CCSER2: variants seen among roughly 807,000 people sequenced by gnomAD.
CCSER2 encodes the protein coiled-coil serine rich protein 2.
Under a neutral mutation model 92.3 loss-of-function variants are expected in CCSER2, and 46 were observed. The ratio of observed to expected loss-of-function variants is 0.50; its 90% CI spans 0.39 to 0.64. The LOEUF is 0.64. Ranked by LOEUF, CCSER2 falls within the 30% of genes least tolerant of loss-of-function variation. The pLI is 0.00. For missense variants in CCSER2, 1,244 were observed against 1,238.9 expected, an observed-to-expected ratio of 1.00 and a Z score of -0.06; for synonymous variants, 433 against 431.4, an observed-to-expected ratio of 1.00 and a Z score of -0.04.
intron 9 of CCSER2, among the ~76,000 whole-genome samples, chr10:84,495,896 C>G (rs1848423043): frequency 6.6e-6 from 1 of 150,838 alleles, no homozygotes. Flanking sequence ...ACCAATCTGT[C>G]TTTTAATGGG....
chr10:84,419,292 G>A (rs1843020372), intron 4 of CCSER2, among the ~76,000 whole-genome samples: 1 of 150,758 alleles, frequency 6.6e-6, no homozygotes, highest in African/African-American at 2.4e-5. Flanking sequence ...AACCAATGCA[G>A]TTAGATCACC....
At chr10:84,366,136 G>C (rs1032581639) in intron 1 of CCSER2, among the ~76,000 whole-genome samples, 2 of 151,998 alleles carry the variant, frequency 1.3e-5, no homozygotes, top group African/African-American at 4.8e-5. Context: ...TAGAGATGAG[G>C]TCTCACTATG....
intron 3 of CCSER2, among the ~76,000 whole-genome samples, chr10:84,376,200 C>G (rs1846328604): frequency 6.6e-6 from 1 of 152,070 alleles, no homozygotes; most frequent in African/African-American, 2.4e-5. Context: ...GTCTAGAATC[C>G]TGGCTATTTA....
intron 6 of CCSER2, among the ~76,000 whole-genome samples, chr10:84,463,158 A>C (rs1466781549): frequency 1.3e-5 from 2 of 152,156 alleles, no homozygotes; most frequent in Non-Finnish European, 2.9e-5. Context: ...TAGTATTGTC[A>C]TCCTATTTTA....
intron 6 of CCSER2, among the ~76,000 whole-genome samples, chr10:84,458,562 A>T (rs1564687364): frequency 6.6e-6 from 1 of 152,184 alleles, no homozygotes; most frequent in Non-Finnish European, 1.5e-5. Context: ...TTCTACAAAA[A>T]ATAAATTCTG....
intron 2 of CCSER2, 110 bp downstream of exon 2, chr10:84,372,579 G>T: frequency 4.1e-6 from 3 of 723,358 alleles, no homozygotes; most frequent in South Asian, 2.2e-5. Flanking sequence ...TTTCACGGAG[G>T]GATAGATCTA....
intron 6 of CCSER2, among the ~76,000 whole-genome samples, chr10:84,461,991 G>T (rs1846128256): frequency 6.6e-6 from 1 of 152,174 alleles, no homozygotes; most frequent in African/African-American, 2.4e-5. Context: ...TGTCTTGATT[G>T]TGGTTTTAAT....
At chr10:84,496,309 G>A (rs185428331) in intron 9 of CCSER2, among the ~76,000 whole-genome samples, 2,016 of 152,032 alleles carry the variant, frequency 0.013, 19 homozygotes, top group Middle Eastern at 0.061. Flanking sequence ...TTTTTGAGAC[G>A]GAGTCTCGCT....
At chr10:84,403,184 G>GT (rs1163582270) in intron 3 of CCSER2, among the ~76,000 whole-genome samples, 52 of 188 alleles carry the variant, frequency 0.28, no homozygotes, top group African/African-American at 0.42. Flanking sequence ...TTTTGAAAAA[G>GT]GTTAGAGGCA....
intron 2 of CCSER2, among the ~76,000 whole-genome samples, chr10:84,373,121 T>C (rs933215645): frequency 6.6e-6 from 1 of 151,844 alleles, no homozygotes; most frequent in African/African-American, 2.4e-5. Flanking sequence ...GATATAGACA[T>C]GTGGTATAAT....
intron 7 of CCSER2, among the ~76,000 whole-genome samples, chr10:84,469,544 C>A (rs1164015765): frequency 6.6e-6 from 1 of 152,076 alleles, no homozygotes; most frequent in Admixed American, 6.5e-5. Flanking sequence ...TACAACACAT[C>A]CTAATTATTT....
At position 84,372,290 on chromosome 10, in the gene CCSER2, A is replaced by G. The variant is rs1282004190; in HGVS notation, c.1238A>G (p.Asp413Gly). The change falls in exon 2 of 10, where the codon GAC becomes GGC. Residue 413 changes from aspartate (D) to glycine (G), a missense_variant. Transcript: ENST00000372088. Reference sequence around the variant, plus strand: ...TCTGATAAGAATGATTTAAGTGAAGACTTTAGTGATGATTTTATAGATATA... The same window carrying G: ...TCTGATAAGAATGATTTAAGTGAAGGCTTTAGTGATGATTTTATAGATATA... ...SSSDKNDLSE[D>G]FSDDFIDIED... 6.2e-7 allele frequency: 1 copy of G among 1,612,976 alleles called. No individual in the cohort carries two copies.
intron 1 of CCSER2, among the ~76,000 whole-genome samples, chr10:84,344,227 CAAAGA>C (rs1844359420): frequency 6.6e-6 from 1 of 152,096 alleles, no homozygotes; most frequent in Non-Finnish European, 1.5e-5. Context: ...TTTGTGCCGT[CAAAGA>C]AAAGTCCAGA....
At chr10:84,475,759 C>T (rs935818614) in intron 8 of CCSER2, among the ~76,000 whole-genome samples, 1 of 152,090 alleles carries the variant, frequency 6.6e-6, no homozygotes, top group Non-Finnish European at 1.5e-5. Flanking sequence ...TCCTCATATA[C>T]CCCTCATATA....
chr10:84,456,855 T>C (rs1845654002), intron 6 of CCSER2, among the ~76,000 whole-genome samples: 1 of 126,914 alleles, frequency 7.9e-6, no homozygotes, highest in Non-Finnish European at 1.9e-5. Context: ...CATATTTTCA[T>C]ATGACTGTTT....
At chr10:84,455,642 A>G (rs910320433) in intron 6 of CCSER2, 2 of 655,850 alleles carry the variant, frequency 3.0e-6, no homozygotes, top group African/African-American at 3.6e-5. Flanking sequence ...ACTGCCTTCC[A>G]CAGAAATGAG....
intron 6 of CCSER2, among the ~76,000 whole-genome samples, chr10:84,454,297 G>A (rs114432476): frequency 0.02 from 3,029 of 152,064 alleles, 110 homozygotes; most frequent in African/African-American, 0.07. Flanking sequence ...AAGGATATCC[G>A]CTATATTGGA....
rs574234068 is a variant in CCSER2 at position 84,495,821 on chromosome 10, A to G, written c.2326-17628A>G. ...ATATCGTTTTCATCTTTTATTTTAA[A>G]ATATATATATTTTTATACCTAACAT... is the stretch of plus-strand genomic sequence containing the variant. On this transcript the variant is annotated intron_variant, in intron 9 of 9. Coordinates refer to ENST00000372088, the MANE Select transcript of CCSER2 (RefSeq NM_001284240.2). Among the ~76,000 whole-genome samples, 4 of 149,992 alleles carry G rather than the reference A, an allele frequency of 2.7e-5. No homozygotes were observed. In the South Asian group the frequency reaches 8.4e-4, roughly 31 times the overall value.
At chr10:84,362,162 CT>C (rs1374888751) in intron 1 of CCSER2, among the ~76,000 whole-genome samples, 2 of 152,124 alleles carry the variant, frequency 1.3e-5, no homozygotes, top group African/African-American at 4.8e-5. Flanking sequence ...GATGCTGGAT[CT>C]CCTATGGCCC....
Sources: gnomAD v4.1 joint callset for allele counts (sites outside exome capture counted in the v4.1 genomes callset) on GRCh38, gnomAD v4.1.1 for gene constraint, MANE v1.5 for transcripts, NCBI Gene and HGNC (gene_info 2026-07-23, HGNC 2026-07-21) for gene names.